The following IRAG1 variants were observed in gnomAD, a reference collection of about 807,000 sequenced individuals.
IRAG1 encodes the protein inositol 1,4,5-triphosphate receptor associated 1, also known as IP3R-associated cGMP kinase substrate.
IRAG1 carries 62 observed loss-of-function variants against 106.2 expected under a neutral mutation model. The ratio of observed to expected loss-of-function variants is 0.58; its 90% CI spans 0.48 to 0.72. The LOEUF (loss-of-function observed/expected upper bound fraction) is 0.72, where lower values mean the gene tolerates loss of function less well. IRAG1 is among the 30% of genes least tolerant of loss of function. The probability of loss-of-function intolerance (pLI) is 0.00; values close to 1 mark genes in which losing one functional copy is unlikely to be tolerated. For synonymous variants in IRAG1, 462 were observed against 443.9 expected, an observed-to-expected ratio of 1.04 and a Z score of -0.51; for missense variants, 1,064 against 1,140.7, an observed-to-expected ratio of 0.93 and a Z score of 0.97.
At position 10,615,634 on chromosome 11, in the gene IRAG1, G is replaced by A. The variant is rs1423176108; in HGVS notation, c.1448-5783C>T. ...AGGATGAGTTCATGTCCTTTGTAGG[G>A]ACATGGATGAAGCTGGAAACCATCA... On this transcript the variant is annotated intron_variant, in intron 10 of 20. Transcript: ENST00000423302. Among the ~76,000 whole-genome samples, 10 of 152,164 alleles carry A rather than the reference G, an allele frequency of 6.6e-5. No homozygotes were observed. In the East Asian group the frequency reaches 2.0e-3, roughly 30 times the overall value.
At chr11:10,685,765 G>C (rs1415150423) in intron 1 of IRAG1, among the ~76,000 whole-genome samples, 1 of 151,120 alleles carries the variant, frequency 6.6e-6, no homozygotes, top group Non-Finnish European at 1.5e-5. Context: ...AGTCTCTTGT[G>C]AGTTTGATTA....
rs772301901 is a variant in IRAG1, at chr11:10,647,401, C to T, written c.225+4624G>A. The stretch of plus-strand genomic sequence containing the variant: ...ATGAGTTAATATGGTAGACGAGTAT[C>T]TGGCACAGGGTTAGCTATTATTATT... On this transcript the variant is annotated intron_variant, in intron 2 of 20. Coordinates refer to ENST00000423302, the MANE Select transcript of IRAG1 (RefSeq NM_130385.4). The surrounding 1 kb of genome is among the most constrained non-coding windows in gnomAD (Gnocchi z 4.3). 6.6e-6 allele frequency among the ~76,000 whole-genome samples: 1 copy of T among 152,216 alleles called. No homozygotes were observed. Among genetic ancestry groups the T allele is most frequent in the Non-Finnish European group, 1.5e-5 (1 of 68,044 alleles).
chr11:10,573,944 A>G lies in IRAG1; in HGVS notation c.*2388T>C, dbSNP rs1293552163. The G allele has an allele frequency of 2.0e-5, 3 of 152,338 alleles. No homozygotes were observed. Among genetic ancestry groups the G allele is most frequent in the Non-Finnish European group, 4.4e-5 (3 of 68,202 alleles). The allele number at this position is 152,338 out of a possible 1,614,324, so 9.4% of individuals were successfully genotyped here. On this transcript the variant is annotated 3_prime_UTR_variant, in exon 21 of 21. Transcript: ENST00000423302. ...AGACCCCCTGGAAGAGGCCGGGCAA[A>G]TCATCCACTTCTGCCCCCAGAGTCC... is the stretch of plus-strand genomic sequence containing the variant.
intron 15 of IRAG1, among the ~76,000 whole-genome samples, chr11:10,594,768 G>A (rs543235881): frequency 4.0e-4 from 61 of 152,222 alleles, no homozygotes; most frequent in Non-Finnish European, 4.0e-4. Context: ...CTACCACCAG[G>A]AAACACCTGA....
rs184226946 is a variant in IRAG1 at position 10,594,966 on chromosome 11, G to A, written c.2018-771C>T. Reference sequence around the variant, plus strand: ...TTTTGAGACAGTCTCACTCTGTCACGTAGGCTGGAGTGCAGTGGCACGATC... The same window carrying A: ...TTTTGAGACAGTCTCACTCTGTCACATAGGCTGGAGTGCAGTGGCACGATC... On this transcript the variant is annotated intron_variant, in intron 15 of 20. Coordinates refer to ENST00000423302, the MANE Select transcript of IRAG1 (RefSeq NM_130385.4). 1.5e-3 allele frequency among the ~76,000 whole-genome samples: 223 copies of A among 152,116 alleles called. 4 individuals are homozygous for A. The highest frequency in any genetic ancestry group is 9.9e-3 in the Admixed American group (151 of 15,284).
In IRAG1 at chr11:10,626,017, A is replaced by T; in HGVS notation, c.1317T>A (p.Phe439Leu). Residue 439 changes from phenylalanine to leucine, a missense_variant, in exon 9 of 21, where the codon TTT becomes TTA. Transcript: ENST00000423302. ...TCCGCACGGGCTGCACTTGTATCTG[A>T]AAGTCTTTGAGACCAGGGGCCTTGG... ...KLAKAPGLKD[F>L]QIQVQPVRMQ... The T allele has an allele frequency of 6.6e-7, 1 of 1,507,546 alleles. No individual in the cohort carries two copies. Among genetic ancestry groups the T allele is most frequent in the Non-Finnish European group, 8.9e-7 (1 of 1,128,134 alleles). The allele number at this position is 1,507,546 out of a possible 1,614,324, so 93.4% of individuals were successfully genotyped here.
At chr11:10,630,726 C>T (rs1856630456) in intron 4 of IRAG1, among the ~76,000 whole-genome samples, 1 of 152,238 alleles carries the variant, frequency 6.6e-6, no homozygotes, top group South Asian at 2.1e-4. Flanking sequence ...CATACTCCTC[C>T]CAAGTCCCTC....
intron 4 of IRAG1, among the ~76,000 whole-genome samples, chr11:10,631,278 T>C (rs1413301785): frequency 6.6e-6 from 1 of 152,216 alleles, no homozygotes; most frequent in African/African-American, 2.4e-5. Flanking sequence ...AGAGTTTCAG[T>C]TGCCAGCAAC....
chr11:10,688,822 T>A (rs1442584528), intron 1 of IRAG1, among the ~76,000 whole-genome samples: 1 of 152,322 alleles, frequency 6.6e-6, no homozygotes, highest in Non-Finnish European at 1.5e-5. Context: ...TATTCTTTCA[T>A]TTGAGTAGCA....
chr11:10,643,048 A>G (rs2113897), intron 2 of IRAG1, among the ~76,000 whole-genome samples: 102,099 of 151,784 alleles, frequency 0.67, 35,173 homozygotes, highest in Middle Eastern at 0.8. Context: ...GGTGGCGGGC[A>G]CCTGTAGTCC....
chr11:10,608,543 A>T lies in IRAG1; in HGVS notation c.1571+1185T>A, dbSNP rs527835589. Among the ~76,000 whole-genome samples the T allele has an allele frequency of 9.8e-5, 15 of 152,318 alleles. No individual in the cohort carries two copies. In the South Asian group the frequency reaches 2.9e-3, roughly 29 times the overall value. On this transcript the variant is annotated intron_variant, in intron 11 of 20. Transcript: ENST00000423302. ...ATGGTATGTCTGGTGTCTGATGCAG[A>T]TAACTGTGCCTTACAAATGGGCATA...
intron 1 of IRAG1, among the ~76,000 whole-genome samples, chr11:10,655,119 C>T (rs2134941211): frequency 6.6e-6 from 1 of 152,302 alleles, no homozygotes; most frequent in South Asian, 2.1e-4. Context: ...AAGTTGGCTA[C>T]ATCTCATAGG....
chr11:10,602,923 C>A (rs901353122), intron 14 of IRAG1, among the ~76,000 whole-genome samples, 197 bp downstream of exon 14: 2 of 152,152 alleles, frequency 1.3e-5, no homozygotes, highest in African/African-American at 4.8e-5. Context: ...TCCACAGAAA[C>A]CTTTTTCCAC....
Position 10,627,751 on chromosome 11 carries a change from C to T in IRAG1, c.715G>A (p.Glu239Lys). ...GGGTGAGGTGAAGAGACGTCGGCCTCATCCCCCTTCTGCTGGAGAAGGTGA... is the reference window on the plus strand; with the variant it reads ...GGGTGAGGTGAAGAGACGTCGGCCTTATCCCCCTTCTGCTGGAGAAGGTGA... ...LPGAPPQKGD[E>K]ADVSSPHPGE... The change falls in exon 8 of 21, where the codon GAG becomes AAG. Residue 239 changes from glutamate (E) to lysine (K), a missense_variant. Coordinates refer to ENST00000423302, the MANE Select transcript of IRAG1 (RefSeq NM_130385.4). 2 of 1,613,990 alleles carry T rather than the reference C, an allele frequency of 1.2e-6. No individual in the cohort carries two copies. Among genetic ancestry groups the T allele is most frequent in the Non-Finnish European group, 1.7e-6 (2 of 1,179,892 alleles).
chr11:10,660,602 G>A (rs763989166), intron 1 of IRAG1, among the ~76,000 whole-genome samples: 1 of 152,186 alleles, frequency 6.6e-6, no homozygotes, highest in African/African-American at 2.4e-5. Context: ...TCCTACCAGG[G>A]TGCAGAAGGA....
chr11:10,620,278 T>A (rs929521165), intron 10 of IRAG1, among the ~76,000 whole-genome samples: 21 of 152,118 alleles, frequency 1.4e-4, no homozygotes, highest in African/African-American at 5.1e-4. Context: ...TAGGCAAACA[T>A]GATTATGTAA....
intron 18 of IRAG1, chr11:10,585,961 T>A (rs1364357686): frequency 6.6e-6 from 1 of 151,586 alleles, no homozygotes; most frequent in Non-Finnish European, 1.5e-5. Flanking sequence ...ATAGAAGCCC[T>A]CCATGAACCC....
intron 18 of IRAG1, among the ~76,000 whole-genome samples, chr11:10,588,373 G>C (rs1852263804): frequency 6.6e-6 from 1 of 151,814 alleles, no homozygotes; most frequent in Admixed American, 6.6e-5. Flanking sequence ...GACAGGGTCT[G>C]GTTCTGTCGC....
In IRAG1 at chr11:10,634,753, T is replaced by TTTGTGTG. The variant is rs1554927053; in HGVS notation, c.226-683_226-682insCACACAA. On this transcript the variant is annotated intron_variant, in intron 2 of 20. Transcript: ENST00000423302. ...CTTTTTTTAAGGATGAATAATATTCTTGTGTGTGTGTGTGTGTGTGTGTGT... is the reference window on the plus strand; with the variant it reads ...CTTTTTTTAAGGATGAATAATATTCTTTGTGTGTGTGTGTGTGTGTGTGTGTGTGTGT... Among the ~76,000 whole-genome samples, 4 of 145,050 alleles carry TTTGTGTG rather than the reference T, an allele frequency of 2.8e-5. No homozygotes were observed. In the East Asian group the frequency reaches 6.2e-4, roughly 22 times the overall value.
Sources: gnomAD v4.1 joint callset for allele counts (sites outside exome capture counted in the v4.1 genomes callset) on GRCh38, gnomAD v4.1.1 for gene constraint, Gnocchi (gnomAD v3.1) non-coding constraint, MANE v1.5 for transcripts, NCBI Gene and HGNC (gene_info 2026-07-23, HGNC 2026-07-21) for gene names.